COL4A6: variants seen among roughly 807,000 people sequenced by gnomAD.
COL4A6 encodes collagen alpha-6(IV) chain.
Under a neutral mutation model 126.7 loss-of-function variants are expected in COL4A6, and 59 were observed. The ratio of observed to expected loss-of-function variants is 0.47; its 90% CI spans 0.38 to 0.58. COL4A6 has a LOEUF of 0.58. Ranked by LOEUF, COL4A6 falls within the 20% of genes least tolerant of loss-of-function variation. COL4A6 has a pLI of 0.00. For synonymous variants in COL4A6, 547 were observed against 496.6 expected (o/e 1.10, Z -1.35); for missense variants, 1,285 against 1,337.3 (o/e 0.96, Z 0.61).
At chrX:108,319,313 G>A (rs764748074) in intron 2 of COL4A6, among the ~76,000 whole-genome samples, 4 of 112,237 alleles carry the variant, frequency 3.6e-5, no homozygotes, top group East Asian at 2.8e-4. Context: ...GAGGCTGATC[G>A]TGCCACTGCA....
At chrX:108,351,234 T>C (rs1287915358) in intron 2 of COL4A6, among the ~76,000 whole-genome samples, 3 of 111,499 alleles carry the variant, frequency 2.7e-5, no homozygotes, top group Non-Finnish European at 5.6e-5. Context: ...CCTAGAAAAA[T>C]GTAAGTCACT....
chrX:108,373,289 C>T (rs1310556288), intron 2 of COL4A6, among the ~76,000 whole-genome samples: 1 of 111,870 alleles, frequency 8.9e-6, no homozygotes, highest in African/African-American at 3.3e-5. Flanking sequence ...GTCCATCCCT[C>T]TCTTCTGTAA....
intron 3 of COL4A6, among the ~76,000 whole-genome samples, chrX:108,259,467 A>C (rs923281634): frequency 8.9e-6 from 1 of 111,905 alleles, no homozygotes; most frequent in African/African-American, 3.2e-5. Flanking sequence ...CTAATGTACA[A>C]GTACTACTAC....
rs193159428 is a variant in COL4A6 at position 108,298,259 on chromosome X, C to T, written c.144+12489G>A. Among the ~76,000 whole-genome samples, 411 of 112,246 alleles carry T rather than the reference C, an allele frequency of 3.7e-3. 2 individuals carry two copies. Among genetic ancestry groups the T allele is most frequent in the African/African-American group, 0.013 (398 of 30,957 alleles). ...AAGCTGGTGCAAAGTTCCCAGGCTG[C>T]GTTTGTCTTTGTGCCGTGTTTGCTT... On this transcript the variant is annotated intron_variant, in intron 3 of 44. Coordinates refer to ENST00000334504, the MANE Select transcript of COL4A6 (RefSeq NM_033641.4).
At chrX:108,399,103 A>G (rs2041031209) in intron 2 of COL4A6, among the ~76,000 whole-genome samples, 1 of 111,486 alleles carries the variant, frequency 9.0e-6, no homozygotes, top group African/African-American at 3.3e-5. Context: ...AAGGAGGCAC[A>G]TAAGTAGGTA....
intron 2 of COL4A6, among the ~76,000 whole-genome samples, chrX:108,326,012 G>A (rs1275659847): frequency 8.9e-6 from 1 of 111,741 alleles, no homozygotes; most frequent in Non-Finnish European, 1.9e-5. Context: ...AAGATTGGGG[G>A]CAAGGCAAAG....
intron 31 of COL4A6, among the ~76,000 whole-genome samples, chrX:108,173,357 T>C (rs897069207): frequency 6.2e-5 from 7 of 112,150 alleles, no homozygotes; most frequent in Non-Finnish European, 1.1e-4. Context: ...CCTCTGTTCA[T>C]GCTGGGACTT....
chrX:108,422,670 C>G (rs773851340), intron 2 of COL4A6, among the ~76,000 whole-genome samples: 1 of 111,740 alleles, frequency 8.9e-6, no homozygotes, highest in Non-Finnish European at 1.9e-5. Context: ...CTGACTTATA[C>G]TCTGAAAACT....
At chrX:108,415,022 A>G (rs927375594) in intron 2 of COL4A6, among the ~76,000 whole-genome samples, 3 of 111,538 alleles carry the variant, frequency 2.7e-5, no homozygotes, top group Non-Finnish European at 3.8e-5. Context: ...TTGGCAGAAA[A>G]GTAGGATTTC....
rs772352508 is a variant in COL4A6 at position 108,438,203 on chromosome X, G to A, written c.-7C>T. 1 of 1,189,072 alleles carries A rather than the reference G, an allele frequency of 8.4e-7. No individual in the cohort carries two copies. Among genetic ancestry groups the A allele is most frequent in the Non-Finnish European group, 1.1e-6 (1 of 886,631 alleles). On this transcript the variant is annotated 5_prime_UTR_variant, in exon 1 of 45. Coordinates refer to ENST00000334504, the MANE Select transcript of COL4A6 (RefSeq NM_033641.4). The stretch of plus-strand genomic sequence containing the variant: ...CAGCTCACCCAGGGTGCATGCTTGC[G>A]GCTCCTCCGGAGCTGGGTCCCGGGA...
At chrX:108,306,994 A>T (rs2038641865) in intron 3 of COL4A6, among the ~76,000 whole-genome samples, 1 of 110,416 alleles carries the variant, frequency 9.1e-6, no homozygotes, top group African/African-American at 3.3e-5. Flanking sequence ...CCCCAACTTC[A>T]GACAAACACA....
chrX:108,408,494 A>T (rs1039944747), intron 2 of COL4A6, among the ~76,000 whole-genome samples: 27 of 112,185 alleles, frequency 2.4e-4, no homozygotes, highest in Non-Finnish European at 2.6e-4. Flanking sequence ...ATTTGCACTT[A>T]CTACAGAGAT....
At chrX:108,223,050 T>C (rs1383851195) in intron 3 of COL4A6, among the ~76,000 whole-genome samples, 1 of 111,817 alleles carries the variant, frequency 8.9e-6, no homozygotes, top group African/African-American at 3.3e-5. Flanking sequence ...ACTATGCAGC[T>C]ATAAGAAAAA....
At chrX:108,290,797 G>A (rs2038139550) in intron 3 of COL4A6, among the ~76,000 whole-genome samples, 1 of 112,293 alleles carries the variant, frequency 8.9e-6, no homozygotes, top group Non-Finnish European at 1.9e-5. Flanking sequence ...GCACAGCAGA[G>A]AGCAGAGCTA....
At chrX:108,165,094 C>A (rs947130162) in intron 38 of COL4A6, 56 bp from the exon 39 acceptor site, 20 of 1,091,103 alleles carry the variant, frequency 1.8e-5, no homozygotes, top group African/African-American at 1.9e-5. Context: ...GTAGCCACTG[C>A]AGAAGGCCTA....
At chrX:108,169,266 G>A (rs2034222263) in intron 37 of COL4A6, among the ~76,000 whole-genome samples, 2 of 112,107 alleles carry the variant, frequency 1.8e-5, no homozygotes, top group African/African-American at 6.5e-5. Context: ...AGAGAATCTG[G>A]AGGCTAAAAT....
At chrX:108,251,443 C>T (rs2147675082) in intron 3 of COL4A6, among the ~76,000 whole-genome samples, 1 of 111,752 alleles carries the variant, frequency 8.9e-6, no homozygotes, top group East Asian at 2.8e-4. Context: ...CTAAATGTCT[C>T]TTCCTCAGAG....
rs2034918953 is a variant in COL4A6, at chrX:108,187,880, C to T, written c.1735G>A (p.Val579Ile). The T allele has an allele frequency of 8.3e-7, 1 of 1,206,634 alleles. No individual in the cohort carries two copies. The highest frequency in any genetic ancestry group is 1.8e-5 in the African/African-American group (1 of 56,830). ...CCTGGCAGACCTGGTAAACCTGGTA[C>T]TCCGTCCTTGCCTGGTTCTCCTATT... ...GVIGEPGKDG[V>I]PGLPGLPGLP... Residue 579 changes from valine to isoleucine, a missense_variant, in exon 22 of 45, where the codon GTA becomes ATA. By Grantham distance (29) the Val-to-Ile change is conservative (BLOSUM62 3). Transcript: ENST00000334504.
At chrX:108,274,540 T>C (rs2037544913) in intron 3 of COL4A6, among the ~76,000 whole-genome samples, 2 of 111,763 alleles carry the variant, frequency 1.8e-5, no homozygotes, top group Admixed American at 9.5e-5. Context: ...GTCTCTAAGA[T>C]ACAGCTAGCC....
Sources: gnomAD v4.1 joint callset for allele counts (sites outside exome capture counted in the v4.1 genomes callset) on GRCh38, gnomAD v4.1.1 for gene constraint, MANE v1.5 for transcripts, NCBI Gene and HGNC (gene_info 2026-07-23, HGNC 2026-07-21) for gene names.